Variants in TMEM132B observed in about 807,000 individuals in gnomAD.
The protein encoded by TMEM132B is transmembrane protein 132B.
Under a neutral mutation model 90.8 loss-of-function variants are expected in TMEM132B, and 18 were observed. That is an observed-to-expected ratio of 0.20 (90% CI 0.14 to 0.29). The LOEUF (loss-of-function observed/expected upper bound fraction) is 0.29, where lower values mean the gene tolerates loss of function less well. TMEM132B is among the 10% of genes least tolerant of loss of function. The pLI, the probability that TMEM132B is intolerant of heterozygous loss-of-function variation, is 1.00. For missense variants in TMEM132B, 1,096 were observed against 1,326.8 expected, an observed-to-expected ratio of 0.83 and a Z score of 2.70; for synonymous variants, 504 against 523.3, an observed-to-expected ratio of 0.96 and a Z score of 0.50.
chr12:125,433,441 C>T (rs938226799), intron 3 of TMEM132B, among the ~76,000 whole-genome samples: 4 of 151,980 alleles, frequency 2.6e-5, no homozygotes, highest in Non-Finnish European at 4.4e-5. Context: ...TTCTGTGCCA[C>T]GAGTCTCAGC....
intron 1 of TMEM132B, among the ~76,000 whole-genome samples, chr12:125,242,366 G>C (rs2136093688): frequency 6.6e-6 from 1 of 152,272 alleles, no homozygotes; most frequent in East Asian, 1.9e-4. Context: ...TTCCAGGCTG[G>C]TCTTGAACTC....
intron 3 of TMEM132B, among the ~76,000 whole-genome samples, chr12:125,491,647 A>G (rs1273535440): frequency 6.6e-6 from 1 of 152,200 alleles, no homozygotes; most frequent in Non-Finnish European, 1.5e-5. Flanking sequence ...CAGAGAACCC[A>G]CTGTGGAGTG....
At chr12:125,400,627 T>G (rs1879292365) in intron 2 of TMEM132B, among the ~76,000 whole-genome samples, 1 of 152,200 alleles carries the variant, frequency 6.6e-6, no homozygotes. Flanking sequence ...TGTAACCTGT[T>G]GCAAGGAGCT....
chr12:125,260,083 T>A (rs1874527054), intron 1 of TMEM132B, among the ~76,000 whole-genome samples: 1 of 152,196 alleles, frequency 6.6e-6, no homozygotes, highest in Non-Finnish European at 1.5e-5. Context: ...ACTGAAGAGA[T>A]TGTGCAAGCC....
chr12:125,508,006 A>G (rs906105894), intron 3 of TMEM132B, among the ~76,000 whole-genome samples: 3 of 152,204 alleles, frequency 2.0e-5, no homozygotes, highest in East Asian at 1.9e-4. Context: ...TAAAAATTAC[A>G]TATTTTTAAG....
At chr12:125,462,740 G>T (rs1214855562) in intron 3 of TMEM132B, among the ~76,000 whole-genome samples, 1 of 152,144 alleles carries the variant, frequency 6.6e-6, no homozygotes, top group Non-Finnish European at 1.5e-5. Flanking sequence ...ATATTTCTAT[G>T]ACCTTCTTGA....
chr12:125,208,948 G>A (rs73410485), intron 1 of TMEM132B, among the ~76,000 whole-genome samples: 3,396 of 152,240 alleles, frequency 0.022, 123 homozygotes, highest in African/African-American at 0.076. Flanking sequence ...CTCAGGCCTC[G>A]GGCAGGGGCT....
intron 3 of TMEM132B, among the ~76,000 whole-genome samples, chr12:125,454,321 A>G (rs765384525): frequency 3.9e-5 from 6 of 152,180 alleles, no homozygotes; most frequent in African/African-American, 1.2e-4. Context: ...GAACCTATAC[A>G]TGGCAACAGT....
chr12:125,517,309 C>T (rs1410506326), intron 3 of TMEM132B, among the ~76,000 whole-genome samples: 34 of 147,202 alleles, frequency 2.3e-4, no homozygotes, highest in African/African-American at 5.0e-4. Flanking sequence ...TACAGGCGCC[C>T]GCCACCATGC....
intron 3 of TMEM132B, among the ~76,000 whole-genome samples, chr12:125,506,955 T>C (rs1044718833): frequency 6.6e-6 from 1 of 152,266 alleles, no homozygotes; most frequent in Non-Finnish European, 1.5e-5. Flanking sequence ...TTCCAGCATA[T>C]CATGGCTTTG....
intron 2 of TMEM132B, among the ~76,000 whole-genome samples, chr12:125,399,465 GTGTGTGTGTGTGTGTGTA>G (rs61605001): frequency 0.014 from 1,296 of 95,632 alleles, 17 homozygotes; most frequent in East Asian, 0.056. Flanking sequence ...GGAAGTGTGT[GTGTGTGTGTGTGTGTGTA>G]TGTGTGTGTG....
intron 1 of TMEM132B, among the ~76,000 whole-genome samples, chr12:125,300,748 G>A (rs74965580): frequency 0.19 from 28,901 of 152,040 alleles, 2,835 homozygotes; most frequent in Non-Finnish European, 0.19. Flanking sequence ...TAACTTGCCC[G>A]AGGCCACACA....
intron 4 of TMEM132B, among the ~76,000 whole-genome samples, chr12:125,568,631 C>G (rs1257480666): frequency 6.6e-6 from 1 of 152,188 alleles, no homozygotes; most frequent in Non-Finnish European, 1.5e-5. Context: ...GTGTCGCATA[C>G]CTTTCTTCCC....
At chr12:125,591,850 G>C (rs1463166799) in intron 5 of TMEM132B, among the ~76,000 whole-genome samples, 1 of 152,076 alleles carries the variant, frequency 6.6e-6, no homozygotes, top group South Asian at 2.1e-4. Context: ...ATTGGATTTA[G>C]GGGCCGTCCT....
At chr12:125,242,690 G>A (rs753697274) in intron 1 of TMEM132B, among the ~76,000 whole-genome samples, 44 of 152,164 alleles carry the variant, frequency 2.9e-4, no homozygotes, top group Admixed American at 2.6e-4. Context: ...TGGACAGTTC[G>A]GAGCCTGAGC....
chr12:125,376,650 T>A (rs1878498011), intron 2 of TMEM132B, among the ~76,000 whole-genome samples: 1 of 152,180 alleles, frequency 6.6e-6, no homozygotes. Flanking sequence ...AGAGGGAGTT[T>A]CCTGCAGGGG....
At chr12:125,524,980 C>A (rs1005202063) in intron 4 of TMEM132B, among the ~76,000 whole-genome samples, 1 of 151,960 alleles carries the variant, frequency 6.6e-6, no homozygotes, top group Non-Finnish European at 1.5e-5. Context: ...TGGACATTAG[C>A]CAAGTGGAAA....
intron 3 of TMEM132B, among the ~76,000 whole-genome samples, chr12:125,474,056 T>TTTCCTTTCCTTTCCTTTCCTTTCCTTTCC (rs1881795109): frequency 7.7e-6 from 1 of 129,402 alleles, no homozygotes; most frequent in African/African-American, 3.1e-5. Context: ...CCTTCTTTCT[T>TTTCCTTTCCTTTCCTTTCCTTTCCTTTCC]TTTCCTTTCC....
At position 125,198,429 on chromosome 12, in the gene TMEM132B, C is replaced by A. The variant is rs573903879; in HGVS notation, c.67+11563C>A. On this transcript the variant is annotated intron_variant, in intron 1 of 8. Transcript: ENST00000682704. ...TGACTTAATTCTCAGACAGCCTCCCCCCTTCTGATGGCAAAGCTGGCCACA... is the reference window on the plus strand; with the variant it reads ...TGACTTAATTCTCAGACAGCCTCCCACCTTCTGATGGCAAAGCTGGCCACA... Among the ~76,000 whole-genome samples the A allele has an allele frequency of 2.3e-4, 35 of 152,286 alleles. 1 individual carries two copies. Among genetic ancestry groups the A allele is most frequent in the African/African-American group, 6.7e-4 (28 of 41,558 alleles).
Sources: gnomAD v4.1 joint callset for allele counts (sites outside exome capture counted in the v4.1 genomes callset) on GRCh38, gnomAD v4.1.1 for gene constraint, MANE v1.5 for transcripts, NCBI Gene and HGNC (gene_info 2026-07-23, HGNC 2026-07-21) for gene names.